The following AKT3 variants were observed in gnomAD, a reference collection of about 807,000 sequenced individuals.
The protein encoded by AKT3 is RAC-gamma serine/threonine-protein kinase.
A neutral mutation model predicts 65.3 loss-of-function variants in AKT3; 15 were observed. That is an observed-to-expected ratio of 0.23 (90% CI 0.15 to 0.35). AKT3 has a LOEUF of 0.35. AKT3 is among the 10% of genes least tolerant of loss of function. AKT3 has a pLI of 1.00. For synonymous variants in AKT3, 206 were observed against 183.8 expected, an observed-to-expected ratio of 1.12 and a Z score of -0.98; for missense variants, 243 against 576.5, an observed-to-expected ratio of 0.42 and a Z score of 5.92.
chr1:243,759,178 G>A (rs900320689), intron 2 of AKT3, among the ~76,000 whole-genome samples: 13 of 152,054 alleles, frequency 8.5e-5, no homozygotes, highest in African/African-American at 2.9e-4. Flanking sequence ...AGCTGGGCGT[G>A]GTGGTGTGCA....
At chr1:243,535,155 T>TATTTAAAAATATATTTAAA (rs1553398019) in intron 12 of AKT3, among the ~76,000 whole-genome samples, 1 of 131,400 alleles carries the variant, frequency 7.6e-6, no homozygotes, top group African/African-American at 3.4e-5. Flanking sequence ...TTTTAAAATA[T>TATTTAAAAATATATTTAAA]ATTTTAAAAT....
At chr1:243,594,208 A>C (rs1443290329) in intron 8 of AKT3, among the ~76,000 whole-genome samples, 1 of 152,208 alleles carries the variant, frequency 6.6e-6, no homozygotes, top group Non-Finnish European at 1.5e-5. Flanking sequence ...AAAATTGAAA[A>C]ATTATACAAA....
intron 13 of AKT3, among the ~76,000 whole-genome samples, chr1:243,511,916 A>G (rs942604798): frequency 2.0e-5 from 3 of 152,256 alleles, no homozygotes; most frequent in Non-Finnish European, 4.4e-5. Flanking sequence ...GAATTTTAAA[A>G]CTATTAAGTA....
At chr1:243,556,320 C>T (rs184172214) in intron 10 of AKT3, among the ~76,000 whole-genome samples, 1 of 151,776 alleles carries the variant, frequency 6.6e-6, no homozygotes, top group African/African-American at 2.4e-5. Context: ...GAATGAGAAA[C>T]TATATATTTT....
At chr1:243,827,498 A>G (rs1360311606) in intron 2 of AKT3, among the ~76,000 whole-genome samples, 2 of 152,108 alleles carry the variant, frequency 1.3e-5, no homozygotes, top group Non-Finnish European at 2.9e-5. Flanking sequence ...ATTCCACATT[A>G]AAAAAATACA....
chr1:243,699,465 C>CTATATATATATATATATATATATATA (rs58911364), intron 2 of AKT3, among the ~76,000 whole-genome samples: 2 of 103,624 alleles, frequency 1.9e-5, no homozygotes, highest in Non-Finnish European at 3.6e-5. Flanking sequence ...ACCTCTTCCA[C>CTATATATATATATATATATATATATA]TATATATATA....
intron 6 of AKT3, among the ~76,000 whole-genome samples, chr1:243,632,240 A>C (rs1432506965): frequency 2.0e-5 from 3 of 152,234 alleles, no homozygotes; most frequent in Admixed American, 6.5e-5. Flanking sequence ...TTGAAAGTTG[A>C]AATAATGGGC....
chr1:243,686,649 ATATTTTTTTTTTT>A (rs1231210184), intron 3 of AKT3, among the ~76,000 whole-genome samples: 19 of 22,490 alleles, frequency 8.4e-4, no homozygotes, highest in African/African-American at 2.2e-3. Context: ...ATATATATAT[ATATTTTTTTTTTT>A]TTTTTTTTTT....
intron 6 of AKT3, among the ~76,000 whole-genome samples, chr1:243,632,298 C>G (rs1267607684): frequency 6.6e-6 from 1 of 152,190 alleles, no homozygotes; most frequent in Non-Finnish European, 1.5e-5. Flanking sequence ...GCTGGGTTAG[C>G]AGGCATGAAA....
intron 12 of AKT3, among the ~76,000 whole-genome samples, chr1:243,521,820 A>G (rs1428320958): frequency 1.3e-5 from 2 of 152,200 alleles, no homozygotes; most frequent in Non-Finnish European, 2.9e-5. Context: ...CATGATATGG[A>G]TGATTTGCAT....
intron 2 of AKT3, among the ~76,000 whole-genome samples, chr1:243,762,839 T>C (rs1689571171): frequency 6.6e-6 from 1 of 152,096 alleles, no homozygotes; most frequent in Non-Finnish European, 1.5e-5. Flanking sequence ...GGCTTATGGA[T>C]CTGATATCTG....
In AKT3 at chr1:243,662,822, T is replaced by C. The variant is rs79461924; in HGVS notation, c.284+1950A>G. Among the ~76,000 whole-genome samples, 1,081 of 152,320 alleles carry C rather than the reference T, an allele frequency of 7.1e-3. 28 individuals are homozygous for C. In the East Asian group the frequency reaches 0.091, roughly 13 times the overall value. ...CACATACCAATGGCAAATATGAGTA[T>C]GCTGTTTTTCATTTGTATTAATACT... On this transcript the variant is annotated intron_variant, in intron 4 of 13. Coordinates refer to ENST00000673466, the MANE Select transcript of AKT3 (RefSeq NM_005465.7).
At chr1:243,743,642 AT>A (rs902883405) in intron 2 of AKT3, among the ~76,000 whole-genome samples, 1 of 152,178 alleles carries the variant, frequency 6.6e-6, no homozygotes, top group African/African-American at 2.4e-5. Context: ...GTGTCATAAA[AT>A]TTTTTTAGTA....
intron 6 of AKT3, among the ~76,000 whole-genome samples, chr1:243,627,773 G>A (rs1363374447): frequency 6.6e-6 from 1 of 152,210 alleles, no homozygotes; most frequent in Non-Finnish European, 1.5e-5. Flanking sequence ...ACATAACCAT[G>A]AAAGTAAACA....
chr1:243,760,951 C>G (rs1310401897), intron 2 of AKT3, among the ~76,000 whole-genome samples: 1 of 152,066 alleles, frequency 6.6e-6, no homozygotes, highest in Non-Finnish European at 1.5e-5. Context: ...ACACATAAAA[C>G]CAGGTTATGT....
At chr1:243,516,762 T>C (rs1464034778) in intron 12 of AKT3, among the ~76,000 whole-genome samples, 1 of 152,022 alleles carries the variant, frequency 6.6e-6, no homozygotes, top group Non-Finnish European at 1.5e-5. Context: ...TGCACACCAG[T>C]ATGCCCAGCT....
chr1:243,650,497 A>G (rs1266374464), intron 4 of AKT3, among the ~76,000 whole-genome samples: 1 of 152,150 alleles, frequency 6.6e-6, no homozygotes, highest in Non-Finnish European at 1.5e-5. Flanking sequence ...TATGTCCTGA[A>G]TGGTACTGCC....
At chr1:243,755,976 G>A (rs1313105065) in intron 2 of AKT3, among the ~76,000 whole-genome samples, 2 of 152,222 alleles carry the variant, frequency 1.3e-5, no homozygotes, top group African/African-American at 2.4e-5. Context: ...ACCACAAGAA[G>A]TAGTGGCCAG....
At chr1:243,822,790 G>A (rs1488957980) in intron 2 of AKT3, among the ~76,000 whole-genome samples, 2 of 151,934 alleles carry the variant, frequency 1.3e-5, no homozygotes, top group Non-Finnish European at 2.9e-5. Context: ...AGTAATAAAT[G>A]GCATACTAAC....
Sources: gnomAD v4.1 joint callset for allele counts (sites outside exome capture counted in the v4.1 genomes callset) on GRCh38, gnomAD v4.1.1 for gene constraint, MANE v1.5 for transcripts, NCBI Gene and HGNC (gene_info 2026-07-23, HGNC 2026-07-21) for gene names.